OTOP1: variants seen among roughly 807,000 people sequenced by gnomAD.
OTOP1 encodes otopetrin 1.
A neutral mutation model predicts 52.9 loss-of-function variants in OTOP1; 59 were observed. That is an observed-to-expected ratio of 1.12 (90% CI 0.91 to 1.39). The LOEUF (loss-of-function observed/expected upper bound fraction) is 1.39, where lower values mean the gene tolerates loss of function less well. Ranked by LOEUF, OTOP1 falls within the 40% of genes most tolerant of loss-of-function variation. The pLI, the probability that OTOP1 is intolerant of heterozygous loss-of-function variation, is 0.00. For synonymous variants in OTOP1, 317 were observed against 337.7 expected (o/e 0.94, Z 0.67); for missense variants, 761 against 800.9 (o/e 0.95, Z 0.60).
rs926460455 is a variant in OTOP1 at position 4,188,736 on chromosome 4, C to T, written c.*67G>A. ...ATTTGTCAGGCAATATTTGCCCAACCTGGCCACTCCTAGTTGGCTCCAATG... is the reference window on the plus strand; with the variant it reads ...ATTTGTCAGGCAATATTTGCCCAACTTGGCCACTCCTAGTTGGCTCCAATG... On this transcript the variant is annotated 3_prime_UTR_variant, in exon 6 of 6. Coordinates refer to ENST00000296358, the MANE Select transcript of OTOP1 (RefSeq NM_177998.3). The T allele has an allele frequency of 4.2e-6, 6 of 1,419,058 alleles. No individual in the cohort carries two copies. In the African/African-American group the frequency reaches 5.8e-5, roughly 14 times the overall value. 87.9% of individuals were successfully genotyped at this position (1,419,058 alleles called of 1,614,324 possible).
chr4:4,222,809 C>T (rs543989681), intron 1 of OTOP1, among the ~76,000 whole-genome samples: 1 of 152,294 alleles, frequency 6.6e-6, no homozygotes, highest in Admixed American at 6.5e-5. Context: ...CCAGAGGAAA[C>T]CCCAGTCCCT....
intron 1 of OTOP1, 56 bp from the exon 2 acceptor site, chr4:4,213,060 G>C (rs1282911750): frequency 1.3e-5 from 21 of 1,571,828 alleles, no homozygotes; most frequent in Middle Eastern, 1.7e-4. Flanking sequence ...AACATACATT[G>C]ATGTCATTTC....
intron 1 of OTOP1, among the ~76,000 whole-genome samples, chr4:4,223,572 G>A (rs114584205): frequency 0.04 from 6,053 of 152,192 alleles, 164 homozygotes; most frequent in African/African-American, 0.068. Context: ...AAAGAAGAAG[G>A]AGGAGCAGAA....
chr4:4,189,849 T>C (rs1394381858), intron 5 of OTOP1, among the ~76,000 whole-genome samples: 1 of 151,974 alleles, frequency 6.6e-6, no homozygotes, highest in Non-Finnish European at 1.5e-5. Flanking sequence ...GTCACATGAG[T>C]AGATTTGGAA....
At chr4:4,201,022 C>A (rs954397813) in intron 4 of OTOP1, among the ~76,000 whole-genome samples, 5 of 152,160 alleles carry the variant, frequency 3.3e-5, no homozygotes, top group Non-Finnish European at 5.9e-5. Context: ...TCACAGAGGG[C>A]CTTGAAGCCA....
chr4:4,217,863 A>G (rs2920227), intron 1 of OTOP1, among the ~76,000 whole-genome samples: 10,447 of 152,254 alleles, frequency 0.069, 360 homozygotes, highest in South Asian at 0.13. Context: ...GGAAGATGAA[A>G]AGGAGAGCAA....
chr4:4,197,068 A>C (rs1340231286), intron 5 of OTOP1, 98 bp downstream of exon 5: 7 of 1,273,878 alleles, frequency 5.5e-6, no homozygotes, highest in African/African-American at 3.0e-5. Context: ...AGCAACACGC[A>C]ATTTACCCAT....
At chr4:4,224,278 T>C (rs191914171) in intron 1 of OTOP1, among the ~76,000 whole-genome samples, 6,023 of 143,740 alleles carry the variant, frequency 0.042, 158 homozygotes, top group African/African-American at 0.074. Flanking sequence ...ACCCGGGAGG[T>C]GGAGGTTGCA....
At chr4:4,198,610 C>T (rs1005055142) in intron 4 of OTOP1, among the ~76,000 whole-genome samples, 2 of 152,132 alleles carry the variant, frequency 1.3e-5, no homozygotes, top group South Asian at 2.1e-4. Flanking sequence ...GGAGAAAATG[C>T]CCCTTTTAAT....
chr4:4,199,233 T>TGAGA (rs71600542), intron 4 of OTOP1, among the ~76,000 whole-genome samples: 2,584 of 98,506 alleles, frequency 0.026, 284 homozygotes, highest in African/African-American at 0.06. Context: ...TGTGTGTGTG[T>TGAGA]GAGAGAGAGA....
intron 1 of OTOP1, among the ~76,000 whole-genome samples, chr4:4,216,119 A>T (rs1344334822): frequency 3.9e-5 from 6 of 152,132 alleles, no homozygotes; most frequent in African/African-American, 1.4e-4. Flanking sequence ...TTAAAAAAAA[A>T]ATAGATGGGT....
In OTOP1 at chr4:4,188,851, A is replaced by G; in HGVS notation, c.1791T>C (p.Tyr597=). The G allele has an allele frequency of 6.2e-7, 1 of 1,613,922 alleles. No homozygotes were observed. The highest frequency in any genetic ancestry group is 1.1e-5 in the South Asian group (1 of 91,060). Reference sequence around the variant, plus strand: ...AGAGGGAGGCAGCTGCGTGCATTCGATAGAAAATAGAAAAAGGCATGGCCA... The same window carrying G: ...AGAGGGAGGCAGCTGCGTGCATTCGGTAGAAAATAGAAAAAGGCATGGCCA... ...VNLAMPFSIF[Y]RMHAAASLFE... is the part of the protein sequence containing the mutation. Residue 597 remains tyrosine (Y), a synonymous_variant, in exon 6 of 6, where the codon TAT becomes TAC. Coordinates refer to ENST00000296358, the MANE Select transcript of OTOP1 (RefSeq NM_177998.3).
intron 5 of OTOP1, among the ~76,000 whole-genome samples, chr4:4,191,988 T>G (rs1716519600): frequency 6.6e-6 from 1 of 152,216 alleles, no homozygotes; most frequent in Non-Finnish European, 1.5e-5. Flanking sequence ...GAAATCCACA[T>G]CTTTATGTCT....
chr4:4,195,116 A>T (rs1300276483), intron 5 of OTOP1, among the ~76,000 whole-genome samples: 2 of 152,158 alleles, frequency 1.3e-5, no homozygotes, highest in African/African-American at 2.4e-5. Flanking sequence ...ACTAGACTCT[A>T]GCCAGGCCTA....
rs372670620 is a variant in OTOP1, at chr4:4,190,721, C to A, written c.1669-1748G>T. Among the ~76,000 whole-genome samples, 154 of 152,250 alleles carry A rather than the reference C, an allele frequency of 1.0e-3. No individual in the cohort carries two copies. The East Asian group carries it at 0.023, about 23-fold the overall frequency. On this transcript the variant is annotated intron_variant, in intron 5 of 5. Transcript: ENST00000296358. ...ACTTGAGCATCTGTGCATTTGGTAT[C>A]CACCACGGGGACCCTGGAACCAAGA...
rs531734898 is a variant in OTOP1, at chr4:4,219,920, C to T, written c.403+6542G>A. Among the ~76,000 whole-genome samples the T allele has an allele frequency of 8.8e-5, 12 of 136,066 alleles. No homozygotes were observed. The East Asian group carries it at 1.9e-3, about 21-fold the overall frequency. 89.3% of individuals were successfully genotyped at this position (136,066 alleles called of 152,430 possible). ...GTATACACATATATGTGTGTATATA[C>T]GTATACATGTATACATATATACACA... On this transcript the variant is annotated intron_variant, in intron 1 of 5. Transcript: ENST00000296358.
At chr4:4,192,661 C>T (rs1716539127) in intron 5 of OTOP1, among the ~76,000 whole-genome samples, 1 of 152,184 alleles carries the variant, frequency 6.6e-6, no homozygotes, top group African/African-American at 2.4e-5. Flanking sequence ...CCTCCATCTC[C>T]AACATAGTAT....
rs765331221 is a variant in OTOP1 at position 4,206,131 on chromosome 4, C to G, written c.541-1G>C. ...TTGCATGCCCCCAAAGAAAATATAC[C>G]TAGATGGAAATAAAGAAAGAAAAGA... On this transcript the variant is annotated splice_acceptor_variant, in intron 2 of 5. Transcript: ENST00000296358. LOFTEE classifies it high-confidence loss of function. The G allele has an allele frequency of 2.5e-6, 4 of 1,599,376 alleles. No homozygotes were observed. The highest frequency in any genetic ancestry group is 2.7e-5 in the African/African-American group (2 of 74,584).
intron 1 of OTOP1, among the ~76,000 whole-genome samples, chr4:4,217,717 A>G (rs984991983): frequency 5.9e-5 from 9 of 152,190 alleles, no homozygotes; most frequent in Admixed American, 5.2e-4. Context: ...ACTGAGGTTG[A>G]AGGTACATGG....
Sources: gnomAD v4.1 joint callset for allele counts (sites outside exome capture counted in the v4.1 genomes callset) on GRCh38, gnomAD v4.1.1 for gene constraint, MANE v1.5 for transcripts, NCBI Gene and HGNC (gene_info 2026-07-23, HGNC 2026-07-21) for gene names.